The following NHSL3 variants were observed in gnomAD, a reference collection of about 807,000 sequenced individuals.
NHSL3 encodes the protein NHS-like protein 3.
chr1:32,772,831 C>T, the NHSL3 span: 4 of 1,610,664 alleles, frequency 2.5e-6, no homozygotes, highest in Non-Finnish European at 3.4e-6. Context: ...GCCAGGAGGC[C>T]CCTTGCTAAG....
At chr1:32,761,583 A>G in the NHSL3 span, among the ~76,000 whole-genome samples, 1 of 152,162 alleles carries the variant, frequency 6.6e-6, no homozygotes, top group Non-Finnish European at 1.5e-5. Flanking sequence ...TTTTAGAGCC[A>G]GCCAGAGTTC....
At chr1:32,758,416 G>A in the NHSL3 span, among the ~76,000 whole-genome samples, 1 of 152,116 alleles carries the variant, frequency 6.6e-6, no homozygotes, top group African/African-American at 2.4e-5. Flanking sequence ...CCCCCTGCCT[G>A]TAGACCTGGA....
At chr1:32,770,575 G>A in the NHSL3 span, 8 of 1,523,808 alleles carry the variant, frequency 5.3e-6, no homozygotes, top group Non-Finnish European at 7.1e-6. The surrounding 1 kb of genome is among the most constrained non-coding windows in gnomAD (Gnocchi z 8.3). Flanking sequence ...CTCTCCCAGT[G>A]GGGGCAGCAC....
chr1:32,742,229 C>A, the NHSL3 span: 2 of 1,237,948 alleles, frequency 1.6e-6, no homozygotes, highest in Non-Finnish European at 2.0e-6. Flanking sequence ...GGGGGGGCGT[C>A]GAGGGTGCGG....
chr1:32,768,809 C>T, the NHSL3 span: 23 of 1,606,462 alleles, frequency 1.4e-5, no homozygotes, highest in East Asian at 6.7e-5. Flanking sequence ...GGACAGTGGG[C>T]TCCATTGGGT....
the NHSL3 span, among the ~76,000 whole-genome samples, chr1:32,769,425 A>G: frequency 1.3e-5 from 2 of 152,228 alleles, no homozygotes; most frequent in African/African-American, 2.4e-5. Flanking sequence ...AATGTTTAGA[A>G]TGACGACTAA....
the NHSL3 span, among the ~76,000 whole-genome samples, chr1:32,745,530 C>A: frequency 6.9e-6 from 1 of 145,746 alleles, no homozygotes; most frequent in East Asian, 2.0e-4. Context: ...TGTACTCCAG[C>A]CTGGGCGACA....
chr1:32,770,511 C>A, the NHSL3 span: 2 of 1,557,994 alleles, frequency 1.3e-6, no homozygotes, highest in Non-Finnish European at 1.7e-6. The surrounding 1 kb of genome is among the most constrained non-coding windows in gnomAD (Gnocchi z 8.3). Context: ...AGCCGGAGAG[C>A]TCTACGGCTA....
the NHSL3 span, among the ~76,000 whole-genome samples, chr1:32,743,060 T>A: frequency 1.3e-5 from 2 of 152,244 alleles, no homozygotes; most frequent in Non-Finnish European, 2.9e-5. Context: ...TGGGGTCATT[T>A]TCAGTTCCTT....
At chr1:32,770,324 T>A in the NHSL3 span, 1 of 1,612,296 alleles carries the variant, frequency 6.2e-7, no homozygotes, top group Admixed American at 1.7e-5. The surrounding 1 kb of genome is among the most constrained non-coding windows in gnomAD (Gnocchi z 8.3). Flanking sequence ...CGCTGCAGCC[T>A]GCACTCGGCC....
chr1:32,771,407 CCACT>C, the NHSL3 span: 3 of 1,589,360 alleles, frequency 1.9e-6, no homozygotes, highest in Admixed American at 1.7e-5. Context: ...CCCCCACCAC[CCACT>C]AAGAAGCCAG....
At chr1:32,771,674 G>A in the NHSL3 span, 2 of 1,611,620 alleles carry the variant, frequency 1.2e-6, no homozygotes, top group South Asian at 2.2e-5. Context: ...CCCCCGGGTA[G>A]CCCAGACCCT....
the NHSL3 span, chr1:32,770,733 A>G: frequency 1.9e-5 from 29 of 1,555,048 alleles, no homozygotes; most frequent in Non-Finnish European, 2.3e-5. This position sits in a 1 kb window ranked among gnomAD's most constrained non-coding sequence, Gnocchi z 8.3. Flanking sequence ...CTGATGGGCC[A>G]TTAGGGTTGC....
chr1:32,754,277 A>G, the NHSL3 span: 1 of 599,730 alleles, frequency 1.7e-6, no homozygotes, highest in Non-Finnish European at 3.1e-6. Context: ...GGAGGGTGTG[A>G]GTGTGGGGGG....
the NHSL3 span, chr1:32,742,117 G>T: frequency 8.0e-7 from 1 of 1,248,404 alleles, no homozygotes; most frequent in South Asian, 3.2e-5. Context: ...GGGGGCCGAG[G>T]GCGCCGAACC....
the NHSL3 span, among the ~76,000 whole-genome samples, chr1:32,753,619 CTG>C: frequency 1.3e-5 from 2 of 152,284 alleles, no homozygotes; most frequent in Non-Finnish European, 2.9e-5. Context: ...ATTTTGAACA[CTG>C]TAACTACAGA....
At chr1:32,746,602 AGGTCACTC>A in the NHSL3 span, among the ~76,000 whole-genome samples, 2 of 152,190 alleles carry the variant, frequency 1.3e-5, no homozygotes, top group Non-Finnish European at 2.9e-5. Flanking sequence ...AAGTAGCCCG[AGGTCACTC>A]AGCTTCATTT....
At chr1:32,770,524 A>C in the NHSL3 span, 293 of 1,547,190 alleles carry the variant, frequency 1.9e-4, no homozygotes, top group Non-Finnish European at 2.3e-4. The surrounding 1 kb of genome is among the most constrained non-coding windows in gnomAD (Gnocchi z 8.3). Flanking sequence ...TACGGCTAGC[A>C]ATAGCGTGGT....
chr1:32,751,755 G>A, the NHSL3 span, among the ~76,000 whole-genome samples: 2 of 152,214 alleles, frequency 1.3e-5, no homozygotes, highest in Admixed American at 6.5e-5. Context: ...AGGTGTGAAC[G>A]CCTGGAGTTG....
Sources: allele counts gnomAD v4.1 joint callset (sites outside exome capture counted in the v4.1 genomes callset), GRCh38; gene constraint gnomAD v4.1.1; non-coding constraint Gnocchi (gnomAD v3.1); transcripts MANE v1.5; gene names NCBI Gene and HGNC (gene_info 2026-07-23, HGNC 2026-07-21).